The following MPRIP variants were observed in gnomAD, a reference collection of about 807,000 sequenced individuals.
The protein encoded by MPRIP is myosin phosphatase Rho interacting protein.
In MPRIP, 59 loss-of-function variants were observed where a neutral mutation model predicts 234.9. The observed-to-expected ratio is 0.25, with a 90% CI of 0.20 to 0.31. MPRIP has a LOEUF of 0.31. MPRIP is among the 10% of genes least tolerant of loss of function. MPRIP has a pLI of 1.00. For synonymous variants in MPRIP, 1,144 were observed against 1,263.9 expected, an observed-to-expected ratio of 0.91 and a Z score of 2.01; for missense variants, 2,436 against 3,071.0, an observed-to-expected ratio of 0.79 and a Z score of 4.89.
intron 3 of MPRIP, among the ~76,000 whole-genome samples, chr17:17,124,501 G>T (rs1282138246): frequency 2.0e-5 from 3 of 152,168 alleles, no homozygotes; most frequent in Admixed American, 6.5e-5. Context: ...TTGAGACCAC[G>T]GTCCCAAGGA....
In MPRIP at chr17:17,158,631, C is replaced by T. The variant is rs765326098; in HGVS notation, c.2029C>T (p.Arg677Trp). 72 of 1,600,768 alleles carry T rather than the reference C, an allele frequency of 4.5e-5. No homozygotes were observed. Among genetic ancestry groups the T allele is most frequent in the South Asian group, 7.8e-5 (7 of 90,130 alleles). ...CATCCAGCAGGCCCTGGCTCAGGAG[C>T]GGGTGGGCGGCGTGGGGCCTGCTGA... ...RPIQQALAQE[R>W]VGGVGPADTH... Residue 677 changes from arginine to tryptophan, a missense_variant, in exon 14 of 24, where the codon CGG becomes TGG. Around this residue, in one of 4 missense-constraint regions of MPRIP, gnomAD observed 1,998 missense variants for 2,520.3 expected, o/e 0.79. Transcript: ENST00000651222.
rs950593840 is a variant in MPRIP, at chr17:17,164,535, C to T, written c.2944C>T (p.Leu982=). 2.4e-5 allele frequency: 29 copies of T among 1,208,904 alleles called. No homozygotes were observed. Among genetic ancestry groups the T allele is most frequent in the African/African-American group, 3.2e-5 (2 of 62,634 alleles). 74.9% of individuals were successfully genotyped at this position (1,208,904 alleles called of 1,614,324 possible). ...ACGGGGCCTGGAGACACAGCAGGCG[C>T]TGCAGCGGGACCGGCAGAAGGAGGT... ...ELRGLETQQA[L]QRDRQKEVQR... Residue 982 remains leucine (L), a synonymous_variant, in exon 16 of 24, where the codon CTG becomes TTG. Transcript: ENST00000651222.
intron 12 of MPRIP, among the ~76,000 whole-genome samples, chr17:17,153,753 C>T (rs1216984942): frequency 1.3e-5 from 2 of 152,118 alleles, no homozygotes; most frequent in Non-Finnish European, 1.5e-5. Context: ...TGGACAGCTG[C>T]AGTAACCACC....
At chr17:17,070,890 T>C (rs2089176272) in intron 1 of MPRIP, among the ~76,000 whole-genome samples, 1 of 152,264 alleles carries the variant, frequency 6.6e-6, no homozygotes, top group African/African-American at 2.4e-5. Flanking sequence ...TGGATTTTTC[T>C]GACAGTGCTT....
intron 9 of MPRIP, among the ~76,000 whole-genome samples, chr17:17,144,096 G>C (rs1000393246): frequency 6.6e-6 from 1 of 152,236 alleles, no homozygotes; most frequent in African/African-American, 2.4e-5. Context: ...CCTTGCACCA[G>C]GTTCTCCATG....
At chr17:17,137,244 T>C (rs2090720393) in intron 6 of MPRIP, among the ~76,000 whole-genome samples, 1 of 152,184 alleles carries the variant, frequency 6.6e-6, no homozygotes. Context: ...CCGGGCATGG[T>C]GGCTCACGCC....
At chr17:17,142,538 G>A (rs534888449) in intron 7 of MPRIP, 89 bp from the exon 8 acceptor site, 47 of 1,493,572 alleles carry the variant, frequency 3.1e-5, no homozygotes, top group Admixed American at 2.0e-4. Context: ...AATCAGGCCC[G>A]GGCCAGGCCG....
chr17:17,093,781 C>T (rs532067173), intron 3 of MPRIP, among the ~76,000 whole-genome samples: 103 of 152,312 alleles, frequency 6.8e-4, no homozygotes, highest in Non-Finnish European at 1.2e-3. Context: ...CAGAATACTC[C>T]GGTGCCTACC....
intron 3 of MPRIP, among the ~76,000 whole-genome samples, chr17:17,079,144 G>A (rs1406548056): frequency 6.6e-6 from 1 of 152,178 alleles, no homozygotes; most frequent in African/African-American, 2.4e-5. Context: ...GGGCGTGTTT[G>A]TACTCGAGTC....
rs1447889766 is a variant in MPRIP at position 17,167,746 on chromosome 17, A to C, written c.6155A>C (p.Asn2052Thr). 2 of 1,303,946 alleles carry C rather than the reference A, an allele frequency of 1.5e-6. No individual in the cohort carries two copies. The highest frequency in any genetic ancestry group is 2.0e-6 in the Non-Finnish European group (2 of 988,912). The allele number at this position is 1,303,946 out of a possible 1,614,324, so 80.8% of individuals were successfully genotyped here. Residue 2052 changes from asparagine (N) to threonine (T), a missense_variant, in exon 16 of 24, where the codon AAC becomes ACC. By Grantham distance (65) the Asn-to-Thr change is moderately conservative. Coordinates refer to ENST00000651222, the MANE Select transcript of MPRIP (RefSeq NM_001364716.4). The surrounding 1 kb of genome is among the most constrained non-coding windows in gnomAD (Gnocchi z 5.9). ...AAGGCCCTGCCAGCCCCTGCCCCCA[A>C]CTGGCAGGCCACCCAGGGAGAGGCT... ...HPKALPAPAP[N>T]WQATQGEADS...
At chr17:17,072,891 T>C (rs1229864457) in intron 1 of MPRIP, among the ~76,000 whole-genome samples, 1 of 152,280 alleles carries the variant, frequency 6.6e-6, no homozygotes, top group African/African-American at 2.4e-5. Flanking sequence ...CCCCCTGTTA[T>C]CTATGGGGTC....
chr17:17,048,480 C>G (rs1290323016), intron 1 of MPRIP, among the ~76,000 whole-genome samples: 1 of 152,096 alleles, frequency 6.6e-6, no homozygotes, highest in African/African-American at 2.4e-5. Flanking sequence ...CGCATCCCCC[C>G]CTTGTAGAAG....
intron 5 of MPRIP, among the ~76,000 whole-genome samples, chr17:17,132,224 C>A (rs1173706293): frequency 6.6e-6 from 1 of 152,192 alleles, no homozygotes; most frequent in African/African-American, 2.4e-5. Flanking sequence ...CATGATCCTC[C>A]TTCCCTCCCT....
At chr17:17,136,946 C>A (rs995295095) in intron 6 of MPRIP, among the ~76,000 whole-genome samples, 1 of 152,188 alleles carries the variant, frequency 6.6e-6, no homozygotes, top group African/African-American at 2.4e-5. Context: ...ATTACCTGAG[C>A]AGGAGCAGGT....
intron 1 of MPRIP, among the ~76,000 whole-genome samples, chr17:17,066,790 C>A (rs181378819): frequency 1.6e-4 from 19 of 122,428 alleles, no homozygotes; most frequent in African/African-American, 5.8e-4. Flanking sequence ...CTTGCCCTGC[C>A]CTGTTGCCCA....
chr17:17,097,496 A>C (rs1023490677), intron 3 of MPRIP, among the ~76,000 whole-genome samples: 7 of 152,096 alleles, frequency 4.6e-5, no homozygotes, highest in Non-Finnish European at 8.8e-5. Flanking sequence ...CTGTCTCTTA[A>C]AAAAACAAAA....
chr17:17,064,793 T>C (rs560816569), intron 1 of MPRIP, among the ~76,000 whole-genome samples: 3 of 152,344 alleles, frequency 2.0e-5, no homozygotes, highest in African/African-American at 7.2e-5. Flanking sequence ...AGTTTTGGTC[T>C]GCTACGAACA....
Position 17,043,034 on chromosome 17 carries a change from G to T in MPRIP, c.123+63G>T, listed in dbSNP as rs550507737. 8.7e-6 allele frequency: 13 copies of T among 1,486,052 alleles called. No homozygotes were observed. The African/African-American group carries it at 1.7e-4, about 19-fold the overall frequency. 92.1% of individuals were successfully genotyped at this position (1,486,052 alleles called of 1,614,324 possible). On this transcript the variant is annotated intron_variant, in intron 1 of 23. Coordinates refer to ENST00000651222, the MANE Select transcript of MPRIP (RefSeq NM_001364716.4). ...GGAGCCGCGGGTCGGCGGCCGGGGC[G>T]CCGCCAAGGGCTGCAGGGAAAATAA...
Position 17,075,778 on chromosome 17 carries a change from C to T in MPRIP, c.192C>T (p.His64=). 1.9e-6 allele frequency: 3 copies of T among 1,614,032 alleles called. No homozygotes were observed. Among genetic ancestry groups the T allele is most frequent in the Non-Finnish European group, 2.5e-6 (3 of 1,179,980 alleles). Residue 64 remains histidine, a synonymous_variant, in exon 2 of 24, where the codon CAC becomes CAT. Coordinates refer to ENST00000651222, the MANE Select transcript of MPRIP (RefSeq NM_001364716.4). ...GGACCGACTTTGACAACCCAGTGCACCGGTCTCGGGTAAGGGCATCAGAGC... is the reference window on the plus strand; with the variant it reads ...GGACCGACTTTGACAACCCAGTGCATCGGTCTCGGGTAAGGGCATCAGAGC... ...PDGTDFDNPV[H]RSRKWQRRFF...
Sources: gnomAD v4.1 joint callset for allele counts (sites outside exome capture counted in the v4.1 genomes callset) on GRCh38, gnomAD v4.1.1 for gene constraint, gnomAD v4.1.1 regional missense constraint, Gnocchi (gnomAD v3.1) non-coding constraint, MANE v1.5 for transcripts, NCBI Gene and HGNC (gene_info 2026-07-23, HGNC 2026-07-21) for gene names.